CNTNAP2: variants seen among roughly 807,000 people sequenced by gnomAD.
The protein encoded by CNTNAP2 is contactin-associated protein-like 2.
In CNTNAP2, 98 loss-of-function variants were observed where a neutral mutation model predicts 155.2. The observed-to-expected ratio is 0.63, with a 90% CI of 0.54 to 0.75. The LOEUF (loss-of-function observed/expected upper bound fraction) is 0.75, where lower values mean the gene tolerates loss of function less well. CNTNAP2 is among the 30% of genes least tolerant of loss of function. The pLI is 0.00. For missense variants in CNTNAP2, 1,727 were observed against 1,688.1 expected (o/e 1.02, Z -0.40); for synonymous variants, 651 against 631.2 (o/e 1.03, Z -0.47).
At chr7:146,861,452 TA>T (rs769686253) in intron 3 of CNTNAP2, among the ~76,000 whole-genome samples, 15 of 152,176 alleles carry the variant, frequency 9.9e-5, no homozygotes, top group Non-Finnish European at 2.2e-4. Context: ...TCTTATTTAA[TA>T]AAATCGATAG....
intron 1 of CNTNAP2, among the ~76,000 whole-genome samples, chr7:146,236,869 C>T (rs957941297): frequency 2.6e-5 from 4 of 151,992 alleles, no homozygotes; most frequent in Admixed American, 2.0e-4. Flanking sequence ...TTTTACCTCA[C>T]AGGAGGGAGT....
intron 1 of CNTNAP2, among the ~76,000 whole-genome samples, chr7:146,326,595 G>A (rs1168809267): frequency 2.0e-5 from 3 of 152,160 alleles, no homozygotes; most frequent in East Asian, 3.9e-4. Context: ...ACAATTTTGT[G>A]TATGTTGATG....
At chr7:148,116,513 T>A (rs1470405679) in intron 15 of CNTNAP2, among the ~76,000 whole-genome samples, 8 of 152,220 alleles carry the variant, frequency 5.3e-5, no homozygotes, top group African/African-American at 1.9e-4. Flanking sequence ...TGAATTCTGG[T>A]GCTGCCCAAT....
At chr7:147,530,823 C>T (rs1047576868) in intron 11 of CNTNAP2, among the ~76,000 whole-genome samples, 1 of 152,194 alleles carries the variant, frequency 6.6e-6, no homozygotes, top group Non-Finnish European at 1.5e-5. Context: ...CAAAAGTCCA[C>T]AGTCCAAAGT....
At chr7:146,365,566 AC>A (rs1795143180) in intron 1 of CNTNAP2, among the ~76,000 whole-genome samples, 1 of 152,192 alleles carries the variant, frequency 6.6e-6, no homozygotes, top group Non-Finnish European at 1.5e-5. Context: ...ACAGACACAC[AC>A]ACAGACTTTT....
chr7:148,349,706 C>T (rs1241903531), intron 21 of CNTNAP2, among the ~76,000 whole-genome samples: 1 of 152,050 alleles, frequency 6.6e-6, no homozygotes, highest in East Asian at 1.9e-4. Context: ...AGGCCAAAAT[C>T]TCATGATGTT....
chr7:147,189,101 T>C (rs1802627692), intron 8 of CNTNAP2, among the ~76,000 whole-genome samples: 1 of 152,202 alleles, frequency 6.6e-6, no homozygotes, highest in Admixed American at 6.5e-5. Flanking sequence ...CTTTTATTTA[T>C]TAAATTCTTT....
intron 18 of CNTNAP2, 55 bp from the exon 19 acceptor site, chr7:148,217,233 G>T: frequency 6.4e-7 from 1 of 1,568,904 alleles, no homozygotes; most frequent in Non-Finnish European, 8.8e-7. Context: ...GTCATTGTAG[G>T]GTATCGGCAT....
chr7:146,884,090 G>C (rs1264207668), intron 3 of CNTNAP2, among the ~76,000 whole-genome samples: 1 of 151,664 alleles, frequency 6.6e-6, no homozygotes. Flanking sequence ...ATTGTCCCTG[G>C]GTATATGCAG....
intron 1 of CNTNAP2, among the ~76,000 whole-genome samples, chr7:146,615,182 T>A (rs1237545301): frequency 6.6e-6 from 1 of 152,194 alleles, no homozygotes; most frequent in Admixed American, 6.5e-5. Context: ...TAATATTTTC[T>A]CTTATAAGGA....
At chr7:147,431,277 T>C (rs1797462092) in intron 10 of CNTNAP2, among the ~76,000 whole-genome samples, 1 of 152,164 alleles carries the variant, frequency 6.6e-6, no homozygotes, top group Non-Finnish European at 1.5e-5. Flanking sequence ...TGTAAAACAA[T>C]CAATAAATTT....
chr7:146,935,741 G>A (rs1358140471), intron 3 of CNTNAP2, among the ~76,000 whole-genome samples: 1 of 152,210 alleles, frequency 6.6e-6, no homozygotes, highest in Non-Finnish European at 1.5e-5. Flanking sequence ...CTTATGTCTT[G>A]TGGAGAAAGC....
intron 20 of CNTNAP2, among the ~76,000 whole-genome samples, 160 bp from the exon 21 acceptor site, chr7:148,266,873 G>C (rs781006631): frequency 6.6e-5 from 10 of 152,110 alleles, no homozygotes; most frequent in Non-Finnish European, 1.2e-4. Context: ...GGAAGACATG[G>C]GTTTCCATTT....
chr7:146,148,367 T>A (rs1180656321), intron 1 of CNTNAP2, among the ~76,000 whole-genome samples: 2 of 152,126 alleles, frequency 1.3e-5, no homozygotes, highest in African/African-American at 4.8e-5. Flanking sequence ...CTCATAACAT[T>A]GCTCGTCTGT....
At chr7:148,062,231 T>C (rs899411512) in intron 15 of CNTNAP2, among the ~76,000 whole-genome samples, 2 of 151,914 alleles carry the variant, frequency 1.3e-5, no homozygotes, top group Non-Finnish European at 2.9e-5. Context: ...ATGCAAATAA[T>C]AATTAAAGGA....
chr7:146,553,695 T>A (rs1479734356), intron 1 of CNTNAP2, among the ~76,000 whole-genome samples: 1 of 152,152 alleles, frequency 6.6e-6, no homozygotes, highest in East Asian at 1.9e-4. Context: ...AAGATTACTA[T>A]GCAAATATAT....
intron 1 of CNTNAP2, among the ~76,000 whole-genome samples, chr7:146,270,892 A>T (rs1800070868): frequency 6.6e-6 from 1 of 152,204 alleles, no homozygotes; most frequent in South Asian, 2.1e-4. Context: ...CATTCAACAA[A>T]CATTTCTTGA....
At chr7:146,247,294 G>C (rs1409422363) in intron 1 of CNTNAP2, among the ~76,000 whole-genome samples, 1 of 152,174 alleles carries the variant, frequency 6.6e-6, no homozygotes, top group Non-Finnish European at 1.5e-5. Flanking sequence ...CTTTTTAAGA[G>C]TAAATTGCTG....
chr7:146,802,645 C>T (rs1448605985), intron 2 of CNTNAP2, among the ~76,000 whole-genome samples: 1 of 152,142 alleles, frequency 6.6e-6, no homozygotes, highest in East Asian at 1.9e-4. Flanking sequence ...CATGCCTCAC[C>T]TTCACCATCC....
Sources: allele counts gnomAD v4.1 joint callset (sites outside exome capture counted in the v4.1 genomes callset), GRCh38; gene constraint gnomAD v4.1.1; transcripts MANE v1.5; gene names NCBI Gene and HGNC (gene_info 2026-07-23, HGNC 2026-07-21).